The following REC114 variants were observed in gnomAD, a reference collection of about 807,000 sequenced individuals.
The protein encoded by REC114 is meiotic recombination protein REC114.
In REC114, 27 loss-of-function variants were observed where a neutral mutation model predicts 31.3. That is an observed-to-expected ratio of 0.86 (90% CI 0.64 to 1.19). The LOEUF (loss-of-function observed/expected upper bound fraction) is 1.19, where lower values mean the gene tolerates loss of function less well. Ranked by LOEUF, REC114 falls within the 50% of genes most tolerant of loss-of-function variation. REC114 has a pLI of 0.00. For missense variants in REC114, 344 were observed against 326.9 expected, an observed-to-expected ratio of 1.05 and a Z score of -0.40; for synonymous variants, 134 against 127.7, an observed-to-expected ratio of 1.05 and a Z score of -0.33.
chr15:73,537,948 G>C (rs1197135734), intron 2 of REC114, among the ~76,000 whole-genome samples: 2 of 152,132 alleles, frequency 1.3e-5, no homozygotes, highest in Non-Finnish European at 2.9e-5. Context: ...AGTAGCATAT[G>C]ATGGACATTG....
intron 2 of REC114, among the ~76,000 whole-genome samples, chr15:73,508,516 C>CATGTGCAGGTTAGTTACAT (rs1330299307): frequency 1.4e-5 from 2 of 147,918 alleles, no homozygotes; most frequent in Non-Finnish European, 3.0e-5. Flanking sequence ...CATATGTATA[C>CATGTGCAGGTTAGTTACAT]ATGTGCCATG....
chr15:73,511,056 G>A (rs1893757354), intron 2 of REC114, among the ~76,000 whole-genome samples: 2 of 151,052 alleles, frequency 1.3e-5, no homozygotes, highest in Non-Finnish European at 3.0e-5. Flanking sequence ...GAATTCGGCT[G>A]TGAATCCATC....
At chr15:73,464,341 A>G (rs946092012) in intron 1 of REC114, among the ~76,000 whole-genome samples, 1 of 152,042 alleles carries the variant, frequency 6.6e-6, no homozygotes, top group Admixed American at 6.5e-5. Context: ...TAAGAAATAC[A>G]GAAATATATA....
intron 1 of REC114, among the ~76,000 whole-genome samples, chr15:73,472,022 A>G (rs527551890): frequency 2.0e-5 from 3 of 152,310 alleles, no homozygotes; most frequent in Admixed American, 6.5e-5. Context: ...AAATCTGGTA[A>G]TGTTCTATTT....
At chr15:73,528,367 G>T (rs1298651700) in intron 2 of REC114, among the ~76,000 whole-genome samples, 1 of 152,096 alleles carries the variant, frequency 6.6e-6, no homozygotes, top group African/African-American at 2.4e-5. Context: ...TACCTACTAT[G>T]GAATCGAATA....
At chr15:73,509,847 C>T (rs1434488170) in intron 2 of REC114, among the ~76,000 whole-genome samples, 13 of 152,110 alleles carry the variant, frequency 8.5e-5, no homozygotes, top group Admixed American at 3.3e-4. Flanking sequence ...TACTGTAGCC[C>T]TGTAGTATAG....
At chr15:73,511,054 C>G (rs1204437122) in intron 2 of REC114, among the ~76,000 whole-genome samples, 1 of 150,974 alleles carries the variant, frequency 6.6e-6, no homozygotes. Context: ...TAGAATTCGG[C>G]TGTGAATCCA....
At chr15:73,480,863 A>G (rs1408346730) in intron 2 of REC114, among the ~76,000 whole-genome samples, 1 of 152,060 alleles carries the variant, frequency 6.6e-6, no homozygotes, top group Non-Finnish European at 1.5e-5. Flanking sequence ...TTTTTAGTGG[A>G]GATGGGGTTT....
intron 2 of REC114, among the ~76,000 whole-genome samples, chr15:73,494,743 G>A (rs537735045): frequency 3.4e-4 from 52 of 152,260 alleles, no homozygotes; most frequent in African/African-American, 1.2e-3. Flanking sequence ...GAACATTTAT[G>A]TAGATGTAAA....
intron 2 of REC114, among the ~76,000 whole-genome samples, chr15:73,495,740 G>T (rs1225890057): frequency 6.6e-6 from 1 of 152,020 alleles, no homozygotes; most frequent in Non-Finnish European, 1.5e-5. Flanking sequence ...AATTAAGTCT[G>T]TACTAGGTTC....
intron 1 of REC114, among the ~76,000 whole-genome samples, chr15:73,453,315 C>T (rs1156630240): frequency 7.9e-5 from 12 of 151,688 alleles, no homozygotes; most frequent in Non-Finnish European, 1.2e-4. Context: ...AAAAAGTGGG[C>T]GAAGGATATG....
chr15:73,452,237 A>G (rs1275225124), intron 1 of REC114, among the ~76,000 whole-genome samples: 3 of 152,208 alleles, frequency 2.0e-5, no homozygotes, highest in African/African-American at 4.8e-5. Context: ...AGAAAACCCA[A>G]TCGTCTCAGC....
rs749385096 is a variant in REC114, at chr15:73,550,940, C to A, written c.336C>A (p.Asp112Glu). ...DCLLFGTTIK[D>E]KSRLFRVQFS... is the part of the protein sequence containing the mutation. ...ATAACTTTTGATTTGTCAAACAGGA[C>A]AAGAGTCGCCTGTTTCGAGTACAGT... The change falls in exon 4 of 6, where the codon GAC (aspartate) becomes GAA (glutamate). Residue 112 changes from aspartate to glutamate, a missense_variant and splice_region_variant. Coordinates refer to ENST00000331090, the MANE Select transcript of REC114 (RefSeq NM_001042367.2). The A allele has an allele frequency of 6.2e-7, 1 of 1,613,712 alleles. No individual in the cohort carries two copies. The highest frequency in any genetic ancestry group is 1.1e-5 in the South Asian group (1 of 91,068).
At chr15:73,547,399 T>G (rs1051841428) in intron 3 of REC114, among the ~76,000 whole-genome samples, 7 of 152,044 alleles carry the variant, frequency 4.6e-5, no homozygotes, top group African/African-American at 1.7e-4. Flanking sequence ...CAATAACAAA[T>G]GCAGGAGAGG....
At chr15:73,452,126 C>G (rs1226897320) in intron 1 of REC114, among the ~76,000 whole-genome samples, 2 of 152,162 alleles carry the variant, frequency 1.3e-5, no homozygotes, top group African/African-American at 4.8e-5. Flanking sequence ...ATTGGAAGTT[C>G]TGGCCAGGGC....
At chr15:73,481,440 A>G (rs115688142) in intron 2 of REC114, among the ~76,000 whole-genome samples, 1 of 152,060 alleles carries the variant, frequency 6.6e-6, no homozygotes, top group African/African-American at 2.4e-5. Flanking sequence ...AGACTGTTCT[A>G]TTGTCATTTA....
rs371981442 is a variant in REC114 at position 73,507,675 on chromosome 15, A to G, written c.250-32810A>G. On this transcript the variant is annotated intron_variant, in intron 2 of 5. Coordinates refer to ENST00000331090, the MANE Select transcript of REC114 (RefSeq NM_001042367.2). ...TGTGTACATGTACGTACACATATAT[A>G]GTGTTTTATGTGTATATATGTATTT... is the stretch of plus-strand genomic sequence containing the variant. Among the ~76,000 whole-genome samples the G allele has an allele frequency of 2.6e-5, 4 of 152,326 alleles. 1 individual carries two copies. The highest frequency in any genetic ancestry group is 1.9e-4 in the East Asian group (1 of 5,186).
intron 1 of REC114, among the ~76,000 whole-genome samples, chr15:73,468,678 G>GTTT (rs567083539): frequency 1.1e-3 from 152 of 138,336 alleles, no homozygotes; most frequent in East Asian, 5.8e-3. Flanking sequence ...GTTAGCTGTA[G>GTTT]TTTTTTTTTT....
chr15:73,505,249 T>G (rs998159493), intron 2 of REC114, among the ~76,000 whole-genome samples: 1 of 152,214 alleles, frequency 6.6e-6, no homozygotes, highest in African/African-American at 2.4e-5. Context: ...TTTTAAACCT[T>G]TTCTATAATT....
Sources: allele counts gnomAD v4.1 joint callset (sites outside exome capture counted in the v4.1 genomes callset), GRCh38; gene constraint gnomAD v4.1.1; transcripts MANE v1.5; gene names NCBI Gene and HGNC (gene_info 2026-07-23, HGNC 2026-07-21).